SNTG2: variants seen among roughly 807,000 people sequenced by gnomAD.
The protein encoded by SNTG2 is gamma-2-syntrophin.
SNTG2 carries 74 observed loss-of-function variants against 70.9 expected under a neutral mutation model. The observed-to-expected ratio is 1.04, with a 90% CI of 0.86 to 1.27. The LOEUF (loss-of-function observed/expected upper bound fraction) is 1.27, where lower values mean the gene tolerates loss of function less well. Ranked by LOEUF, SNTG2 falls within the 50% of genes most tolerant of loss-of-function variation. SNTG2 has a pLI of 0.00. For missense variants in SNTG2, 717 were observed against 690.7 expected (o/e 1.04, Z -0.43); for synonymous variants, 278 against 273.8 (o/e 1.02, Z -0.15).
intron 6 of SNTG2, among the ~76,000 whole-genome samples, chr2:1,147,527 C>T (rs1297920642): frequency 6.6e-6 from 1 of 152,244 alleles, no homozygotes; most frequent in Non-Finnish European, 1.5e-5. Flanking sequence ...GGAACTCAGA[C>T]TGGCTTCCTT....
At chr2:1,006,287 T>G (rs1224067122) in intron 1 of SNTG2, among the ~76,000 whole-genome samples, 2 of 151,846 alleles carry the variant, frequency 1.3e-5, no homozygotes, top group East Asian at 3.9e-4. Context: ...AATGTGCACA[T>G]GTACCTTAAA....
chr2:1,209,891 A>G lies in SNTG2; in HGVS notation c.719+661A>G, dbSNP rs186812505. ...TTCTGTCAGCAAAGGAATTTTTTTT[A>G]ATTGAGCACTGTACTTCCCACAATG... On this transcript the variant is annotated intron_variant, in intron 9 of 16. Coordinates refer to ENST00000308624, the MANE Select transcript of SNTG2 (RefSeq NM_018968.4). Among the ~76,000 whole-genome samples the G allele has an allele frequency of 5.7e-4, 86 of 150,078 alleles. 2 individuals are homozygous for G. Among genetic ancestry groups the G allele is most frequent in the Admixed American group, 1.8e-3 (28 of 15,184 alleles).
At chr2:1,166,173 C>T (rs1670692828) in intron 7 of SNTG2, among the ~76,000 whole-genome samples, 2 of 152,170 alleles carry the variant, frequency 1.3e-5, no homozygotes. Flanking sequence ...TGTTATTCAG[C>T]TGTCATGGCT....
At chr2:1,138,379 C>T (rs62107450) in intron 6 of SNTG2, among the ~76,000 whole-genome samples, 20,689 of 152,094 alleles carry the variant, frequency 0.14, 2,014 homozygotes, top group African/African-American at 0.26. Flanking sequence ...TCAGGTTAGG[C>T]GGATGAAACA....
intron 2 of SNTG2, among the ~76,000 whole-genome samples, chr2:1,096,376 T>C (rs946878405): frequency 1.3e-5 from 2 of 152,220 alleles, no homozygotes; most frequent in Admixed American, 1.3e-4. Context: ...TAGCAAATTT[T>C]AAGGAAATAT....
At chr2:1,118,244 C>T (rs923811953) in intron 4 of SNTG2, among the ~76,000 whole-genome samples, 3 of 152,002 alleles carry the variant, frequency 2.0e-5, no homozygotes, top group Non-Finnish European at 4.4e-5. Flanking sequence ...GCTTGTGGGC[C>T]GTGTCAGACC....
intron 1 of SNTG2, among the ~76,000 whole-genome samples, chr2:1,001,419 G>A (rs1327650205): frequency 6.6e-6 from 1 of 151,938 alleles, no homozygotes; most frequent in Non-Finnish European, 1.5e-5. Context: ...ATTCAATAAA[G>A]TTTCAAGATA....
intron 14 of SNTG2, among the ~76,000 whole-genome samples, chr2:1,278,489 G>A (rs1679362236): frequency 6.6e-6 from 1 of 152,174 alleles, no homozygotes; most frequent in South Asian, 2.1e-4. Flanking sequence ...GGAGGTGCTA[G>A]TGAGGTATGT....
intron 4 of SNTG2, among the ~76,000 whole-genome samples, chr2:1,135,455 C>T (rs1379583281): frequency 6.6e-6 from 1 of 152,250 alleles, no homozygotes; most frequent in African/African-American, 2.4e-5. Flanking sequence ...CGTGGTGGCT[C>T]ACGCCTGTAA....
chr2:1,294,147 C>A (rs984947222), intron 14 of SNTG2, among the ~76,000 whole-genome samples: 12 of 152,216 alleles, frequency 7.9e-5, no homozygotes, highest in Admixed American at 3.3e-4. Flanking sequence ...TCAGTGGCTC[C>A]TATTTTTTGG....
chr2:1,036,303 A>G (rs1282329021), intron 1 of SNTG2, among the ~76,000 whole-genome samples: 1 of 152,034 alleles, frequency 6.6e-6, no homozygotes, highest in Non-Finnish European at 1.5e-5. Context: ...TTTTTCAAAC[A>G]TAGCAGGAAT....
At chr2:1,024,384 T>C (rs1660361921) in intron 1 of SNTG2, among the ~76,000 whole-genome samples, 1 of 152,334 alleles carries the variant, frequency 6.6e-6, no homozygotes, top group Admixed American at 6.5e-5. Flanking sequence ...AGACTAAGTT[T>C]TTTTAGACAG....
intron 15 of SNTG2, among the ~76,000 whole-genome samples, chr2:1,310,265 C>T (rs953381526): frequency 1.1e-4 from 16 of 152,172 alleles, no homozygotes; most frequent in Admixed American, 2.6e-4. Flanking sequence ...GCCCACCGGC[C>T]CCATTGCCTG....
chr2:1,359,465 C>G (rs1180752311), intron 16 of SNTG2, among the ~76,000 whole-genome samples: 1 of 152,076 alleles, frequency 6.6e-6, no homozygotes, highest in Non-Finnish European at 1.5e-5. Context: ...TCTCTTGTAA[C>G]AATTTCTATT....
At chr2:1,174,736 T>C (rs147467061) in intron 8 of SNTG2, among the ~76,000 whole-genome samples, 53 of 152,324 alleles carry the variant, frequency 3.5e-4, no homozygotes, top group African/African-American at 1.2e-3. Flanking sequence ...AGCTGTAAAA[T>C]GGTTCTCTCT....
chr2:1,000,324 G>A (rs1247831879), intron 1 of SNTG2, among the ~76,000 whole-genome samples: 1 of 151,552 alleles, frequency 6.6e-6, no homozygotes, highest in Non-Finnish European at 1.5e-5. Context: ...ATCATACAAA[G>A]CATCATCAAA....
intron 6 of SNTG2, among the ~76,000 whole-genome samples, chr2:1,146,362 A>C (rs1669101461): frequency 7.1e-6 from 1 of 141,626 alleles, no homozygotes; most frequent in South Asian, 2.3e-4. Context: ...TATAATGTTT[A>C]AATGAGGTGA....
At chr2:1,121,066 A>C (rs931301621) in intron 4 of SNTG2, among the ~76,000 whole-genome samples, 6 of 151,870 alleles carry the variant, frequency 4.0e-5, no homozygotes, top group Non-Finnish European at 7.4e-5. Flanking sequence ...CTCTGACCAC[A>C]TGGAAGGAAA....
intron 1 of SNTG2, among the ~76,000 whole-genome samples, chr2:1,078,691 C>A (rs1329538446): frequency 1.3e-5 from 2 of 152,148 alleles, no homozygotes; most frequent in Non-Finnish European, 2.9e-5. Flanking sequence ...CAGGGCCGCC[C>A]AGCTGTGACC....
Sources: gnomAD v4.1 joint callset for allele counts (sites outside exome capture counted in the v4.1 genomes callset) on GRCh38, gnomAD v4.1.1 for gene constraint, MANE v1.5 for transcripts, NCBI Gene and HGNC (gene_info 2026-07-23, HGNC 2026-07-21) for gene names.